ERC1: variants seen among roughly 807,000 people sequenced by gnomAD.
ERC1 encodes ELKS/RAB6-interacting/CAST family member 1.
ERC1 carries 56 observed loss-of-function variants against 132.0 expected under a neutral mutation model. That is an observed-to-expected ratio of 0.42 (90% confidence interval 0.34 to 0.53). The LOEUF (loss-of-function observed/expected upper bound fraction) is 0.53. ERC1 is among the 20% of genes least tolerant of loss of function. The pLI is 0.03. For synonymous variants in ERC1, 478 were observed against 476.1 expected (o/e 1.00, Z -0.05); for missense variants, 1,202 against 1,349.9 (o/e 0.89, Z 1.72).
rs571052608 is a variant in ERC1 at position 1,401,623 on chromosome 12, A to C, written c.2926-6526A>C. ...TGTACCTCAATAAAATTGACATGCA[A>C]ATTGTACCAACTTCATATTGTTGCT... On this transcript the variant is annotated intron_variant, in intron 16 of 18. Coordinates refer to ENST00000360905, the MANE Select transcript of ERC1 (RefSeq NM_178040.4). Among the ~76,000 whole-genome samples the C allele has an allele frequency of 2.0e-5, 3 of 152,278 alleles. No homozygotes were observed. In the South Asian group the frequency reaches 6.2e-4, roughly 32 times the overall value.
At chr12:1,422,936 G>A (rs1029520379) in intron 17 of ERC1, among the ~76,000 whole-genome samples, 2 of 152,146 alleles carry the variant, frequency 1.3e-5, no homozygotes, top group Admixed American at 1.3e-4. Context: ...GTTTGCATTT[G>A]CATGCAAATG....
chr12:1,417,247 T>A (rs1467327985), intron 17 of ERC1, among the ~76,000 whole-genome samples: 3 of 152,196 alleles, frequency 2.0e-5, no homozygotes, highest in Non-Finnish European at 4.4e-5. Flanking sequence ...CACCTCATCC[T>A]TCTGTCCTGG....
intron 12 of ERC1, among the ~76,000 whole-genome samples, chr12:1,201,650 C>A (rs1385104112): frequency 2.0e-5 from 3 of 152,056 alleles, no homozygotes; most frequent in Non-Finnish European, 4.4e-5. Context: ...ATAGTGTAAC[C>A]CGGAAATGTA....
At chr12:1,055,634 A>G (rs1414068226) in intron 2 of ERC1, among the ~76,000 whole-genome samples, 1 of 152,220 alleles carries the variant, frequency 6.6e-6, no homozygotes, top group Non-Finnish European at 1.5e-5. Context: ...ACATGTATAT[A>G]TAGTGTATAT....
In ERC1 at chr12:1,074,801, AT is replaced by A. The variant is rs549012303; in HGVS notation, c.670-8361del. Among the ~76,000 whole-genome samples the A allele has an allele frequency of 1.5e-4, 23 of 152,300 alleles. 1 individual carries two copies. The highest frequency in any genetic ancestry group is 1.3e-3 in the Admixed American group (20 of 15,286). Reference sequence around the variant, plus strand: ...TCAGAGGCAGAGAGTAGTTGTTAGAATTCTAGTGTAATTGCTCATTCATTTT... The same window carrying A: ...TCAGAGGCAGAGAGTAGTTGTTAGAATCTAGTGTAATTGCTCATTCATTTT... On this transcript the variant is annotated intron_variant, in intron 2 of 18. Coordinates refer to ENST00000360905, the MANE Select transcript of ERC1 (RefSeq NM_178040.4).
intron 18 of ERC1, among the ~76,000 whole-genome samples, chr12:1,486,994 C>T (rs1274820075): frequency 6.6e-6 from 1 of 152,184 alleles, no homozygotes; most frequent in East Asian, 1.9e-4. Context: ...AGCAACACCA[C>T]CCCATAACCT....
At chr12:1,372,755 C>T (rs529615563) in intron 16 of ERC1, among the ~76,000 whole-genome samples, 2 of 152,342 alleles carry the variant, frequency 1.3e-5, no homozygotes, top group Non-Finnish European at 2.9e-5. Context: ...TTCCCAGTCA[C>T]GTTGTCTGTA....
intron 1 of ERC1, among the ~76,000 whole-genome samples, chr12:1,005,916 C>T (rs1182378565): frequency 6.7e-6 from 1 of 148,964 alleles, no homozygotes; most frequent in Non-Finnish European, 1.5e-5. Context: ...ATTATTATTA[C>T]TTTTTTTTTG....
intron 2 of ERC1, among the ~76,000 whole-genome samples, chr12:1,055,859 GC>G: frequency 6.6e-6 from 1 of 152,182 alleles, no homozygotes; most frequent in Non-Finnish European, 1.5e-5. Context: ...CAGAAAAGGA[GC>G]TGGCTGGGCG....
chr12:1,020,595 G>A (rs1966210864), intron 1 of ERC1: 1 of 152,168 alleles, frequency 6.6e-6, no homozygotes, highest in South Asian at 2.1e-4. Context: ...TTCTTGACTG[G>A]GATTGGAGGA....
At chr12:1,376,949 A>G (rs1451293852) in intron 16 of ERC1, among the ~76,000 whole-genome samples, 2 of 152,104 alleles carry the variant, frequency 1.3e-5, no homozygotes, top group Admixed American at 6.5e-5. Flanking sequence ...TCCCAGCACT[A>G]CTTCCTTGAG....
chr12:1,413,526 A>G (rs917311828), intron 17 of ERC1, among the ~76,000 whole-genome samples: 3 of 152,114 alleles, frequency 2.0e-5, no homozygotes, highest in Non-Finnish European at 4.4e-5. Flanking sequence ...CCTGGGGGGC[A>G]GAGGTTGCAG....
chr12:1,111,887 T>A (rs1480981638), intron 5 of ERC1, among the ~76,000 whole-genome samples: 2 of 152,154 alleles, frequency 1.3e-5, no homozygotes, highest in African/African-American at 4.8e-5. Context: ...GATATAATCA[T>A]AGGTGTGAGC....
intron 3 of ERC1, among the ~76,000 whole-genome samples, chr12:1,100,398 C>G (rs116295870): frequency 2.0e-5 from 3 of 152,104 alleles, no homozygotes; most frequent in Non-Finnish European, 4.4e-5. Context: ...GTGAGTAAAA[C>G]GAGAAGCTTT....
upstream of ERC1, chr12:990,158 A>G (rs1291628591): frequency 6.6e-6 from 1 of 152,226 alleles, no homozygotes; most frequent in Admixed American, 6.5e-5. Flanking sequence ...GGCAGTATAA[A>G]GTGGTTAATT....
At chr12:1,196,861 T>A (rs1283828594) in intron 12 of ERC1, among the ~76,000 whole-genome samples, 1 of 123,010 alleles carries the variant, frequency 8.1e-6, no homozygotes, top group Non-Finnish European at 1.6e-5. Flanking sequence ...TCTCTCTCAC[T>A]CTCTCTCTCT....
chr12:1,289,244 T>A (rs1319854651), intron 14 of ERC1, among the ~76,000 whole-genome samples: 1 of 149,384 alleles, frequency 6.7e-6, no homozygotes, highest in Non-Finnish European at 1.5e-5. Flanking sequence ...TATATGCCTG[T>A]ATAGTTATAT....
At chr12:1,068,123 G>T (rs1593080344) in intron 2 of ERC1, among the ~76,000 whole-genome samples, 1 of 151,596 alleles carries the variant, frequency 6.6e-6, no homozygotes. Context: ...GTAGAGATGG[G>T]TTTTCTCCAT....
intron 18 of ERC1, among the ~76,000 whole-genome samples, chr12:1,460,387 G>A (rs1006160330): frequency 1.2e-4 from 18 of 152,176 alleles, no homozygotes; most frequent in South Asian, 2.1e-4. Flanking sequence ...AAATGGTGCC[G>A]TGGCAGGTGG....
Sources: allele counts gnomAD v4.1 joint callset (sites outside exome capture counted in the v4.1 genomes callset), GRCh38; gene constraint gnomAD v4.1.1; transcripts MANE v1.5; gene names NCBI Gene and HGNC (gene_info 2026-07-23, HGNC 2026-07-21).